The following ATP1B3 variants were observed in gnomAD, a reference collection of about 807,000 sequenced individuals.
ATP1B3 encodes ATPase Na+/K+ transporting subunit beta 3, also known as sodium/potassium-transporting ATPase subunit beta-3.
In ATP1B3, 10 loss-of-function variants were observed where a neutral mutation model predicts 30.2. The ratio of observed to expected loss-of-function variants is 0.33; its 90% confidence interval spans 0.20 to 0.56. ATP1B3 has a LOEUF of 0.56. Among genes scored for constraint, ATP1B3 ranks in the 20% least tolerant of loss-of-function variants. The pLI, the probability that ATP1B3 is intolerant of heterozygous loss-of-function variation, is 0.90. For synonymous variants in ATP1B3, 113 were observed against 117.0 expected (o/e 0.97, Z 0.22); for missense variants, 238 against 336.7 (o/e 0.71, Z 2.29).
intron 1 of ATP1B3, 77 bp from the exon 2 acceptor site, chr3:141,903,539 GGTTT>G: frequency 6.3e-7 from 1 of 1,578,130 alleles, no homozygotes; most frequent in Non-Finnish European, 8.6e-7. Flanking sequence ...AAGAACAGTT[GGTTT>G]GTTTTTTAAC....
chr3:141,884,601 G>A (rs149420072), intron 1 of ATP1B3, among the ~76,000 whole-genome samples: 1 of 152,172 alleles, frequency 6.6e-6, no homozygotes, highest in East Asian at 1.9e-4. Flanking sequence ...TAATTGGGTG[G>A]GCACTGTCTA....
intron 6 of ATP1B3, among the ~76,000 whole-genome samples, chr3:141,922,356 TAAAAA>T (rs1270142298): frequency 1.3e-5 from 2 of 152,070 alleles, no homozygotes; most frequent in Non-Finnish European, 2.9e-5. Flanking sequence ...GAAAAGTACT[TAAAAA>T]GAAAATCAAG....
At chr3:141,884,909 C>T (rs10755098) in intron 1 of ATP1B3, among the ~76,000 whole-genome samples, 16,387 of 152,244 alleles carry the variant, frequency 0.11, 1,079 homozygotes, top group Middle Eastern at 0.16. Context: ...CTGCAAAGAT[C>T]ATTACAGATT....
chr3:141,913,553 T>C, intron 3 of ATP1B3, 99 bp from the exon 4 acceptor site: 2 of 1,066,674 alleles, frequency 1.9e-6, no homozygotes, highest in Non-Finnish European at 2.6e-6. Flanking sequence ...ACATTGCTGT[T>C]TTTGTCTTTG....
chr3:141,877,724 A>G (rs1933632842), intron 1 of ATP1B3, among the ~76,000 whole-genome samples: 1 of 148,454 alleles, frequency 6.7e-6, no homozygotes, highest in Non-Finnish European at 1.5e-5. Flanking sequence ...GATTTTTTCT[A>G]TGCGTGAGCT....
At chr3:141,909,941 T>C (rs1015478996) in intron 3 of ATP1B3, among the ~76,000 whole-genome samples, 2 of 152,162 alleles carry the variant, frequency 1.3e-5, no homozygotes, top group African/African-American at 2.4e-5. Flanking sequence ...ATGAAGGTTG[T>C]GAAAAATAGT....
At chr3:141,916,637 ACT>A in intron 5 of ATP1B3, 2 of 1,077,406 alleles carry the variant, frequency 1.9e-6, no homozygotes, top group Non-Finnish European at 2.5e-6. Flanking sequence ...TAACATTTCA[ACT>A]CTGATTGTAT....
intron 1 of ATP1B3, among the ~76,000 whole-genome samples, chr3:141,889,360 G>T (rs1186708896): frequency 6.6e-6 from 1 of 151,952 alleles, no homozygotes; most frequent in Non-Finnish European, 1.5e-5. Context: ...CTTAAAAATT[G>T]CTGCAGTGCA....
chr3:141,919,633 T>C (rs138693069), intron 5 of ATP1B3, among the ~76,000 whole-genome samples: 2 of 152,180 alleles, frequency 1.3e-5, no homozygotes, highest in African/African-American at 4.8e-5. Flanking sequence ...AGTTAGTTGC[T>C]CATAGTTTAC....
At chr3:141,881,654 T>C (rs1933728404) in intron 1 of ATP1B3, among the ~76,000 whole-genome samples, 2 of 152,224 alleles carry the variant, frequency 1.3e-5, no homozygotes, top group Admixed American at 6.5e-5. Flanking sequence ...TTGCAATTTT[T>C]AAAATTTTTG....
At chr3:141,892,720 A>G (rs1933979901) in intron 1 of ATP1B3, among the ~76,000 whole-genome samples, 1 of 151,894 alleles carries the variant, frequency 6.6e-6, no homozygotes, top group African/African-American at 2.4e-5. Flanking sequence ...GCCTTATGTA[A>G]AATACAAACA....
chr3:141,888,300 T>C (rs1015254603), intron 1 of ATP1B3, among the ~76,000 whole-genome samples: 2 of 152,198 alleles, frequency 1.3e-5, no homozygotes, highest in Non-Finnish European at 2.9e-5. Context: ...TCAGAGTGTT[T>C]CCTACAGATG....
At chr3:141,903,796 T>A (rs1221982858) in intron 2 of ATP1B3, 48 bp downstream of exon 2, 2 of 1,593,448 alleles carry the variant, frequency 1.3e-6, no homozygotes, top group Non-Finnish European at 1.7e-6. Context: ...TTGTTTTTTT[T>A]TTGAGACAGA....
chr3:141,888,267 T>G (rs2107765502), intron 1 of ATP1B3, among the ~76,000 whole-genome samples: 1 of 152,340 alleles, frequency 6.6e-6, no homozygotes, highest in South Asian at 2.1e-4. Flanking sequence ...TTCGTGTGTT[T>G]CTCTCTACCT....
intron 1 of ATP1B3, among the ~76,000 whole-genome samples, chr3:141,896,635 C>T (rs969018547): frequency 9.9e-5 from 15 of 152,022 alleles, no homozygotes; most frequent in African/African-American, 3.6e-4. Context: ...CTTTGGTTTG[C>T]TTTTTCATTT....
rs1472383426 is a variant in ATP1B3, at chr3:141,925,465, T to C, written c.670-66T>C. 4 of 1,509,554 alleles carry C rather than the reference T, an allele frequency of 2.6e-6. No individual in the cohort carries two copies. The Admixed American group carries it at 8.6e-5, about 32-fold the overall frequency. The allele number at this position is 1,509,554 out of a possible 1,614,324, so 93.5% of individuals were successfully genotyped here. A position where few individuals can be genotyped will look rare whatever the true frequency, so the allele number is the denominator to read the frequency against. On this transcript the variant is annotated intron_variant, in intron 6 of 6. Transcript: ENST00000286371. ...AAGAAAATTTACAGAATAAGCCAAT[T>C]CCTGGTAGAGAGAAGTATTAAGTTT...
At chr3:141,897,150 C>A (rs946394944) in intron 1 of ATP1B3, among the ~76,000 whole-genome samples, 7 of 152,134 alleles carry the variant, frequency 4.6e-5, no homozygotes, top group African/African-American at 1.7e-4. Flanking sequence ...CAAAGCTGTG[C>A]TCACCTGACT....
Position 141,882,733 on chromosome 3 carries a change from G to A in ATP1B3, c.109+5823G>A, listed in dbSNP as rs1477966792. On this transcript the variant is annotated intron_variant, in intron 1 of 6. Transcript: ENST00000286371. ...CAAGTAGCTGGGATTACAGGCATGC[G>A]CTACCATGCCTAGCTAATTTTTGTA... Among the ~76,000 whole-genome samples the A allele has an allele frequency of 4.6e-5, 7 of 152,134 alleles. No homozygotes were observed. The East Asian group carries it at 5.8e-4, about 13-fold the overall frequency.
intron 1 of ATP1B3, among the ~76,000 whole-genome samples, chr3:141,893,749 A>G (rs1230753443): frequency 6.6e-6 from 1 of 152,214 alleles, no homozygotes; most frequent in Non-Finnish European, 1.5e-5. Context: ...GATAATGAAC[A>G]TTTATCACCC....
Sources: allele counts gnomAD v4.1 joint callset (sites outside exome capture counted in the v4.1 genomes callset), GRCh38; gene constraint gnomAD v4.1.1; transcripts MANE v1.5; gene names NCBI Gene and HGNC (gene_info 2026-07-23, HGNC 2026-07-21).